AVEN: variants seen among roughly 807,000 people sequenced by gnomAD.
The protein encoded by AVEN is cell death regulator Aven.
In AVEN, 41 loss-of-function variants were observed where a neutral mutation model predicts 38.1. The observed-to-expected ratio is 1.08, with a 90% CI of 0.84 to 1.40. The LOEUF (loss-of-function observed/expected upper bound fraction) is 1.40. Among genes scored for constraint, AVEN ranks in the 40% most tolerant of loss-of-function variants. The pLI, the probability that AVEN is intolerant of heterozygous loss-of-function variation, is 0.00. For synonymous variants in AVEN, 206 were observed against 171.8 expected, an observed-to-expected ratio of 1.20 and a Z score of -1.56; for missense variants, 605 against 438.8, an observed-to-expected ratio of 1.38 and a Z score of -3.38.
chr15:33,927,717 G>C (rs1351791014), intron 2 of AVEN, among the ~76,000 whole-genome samples: 1 of 152,176 alleles, frequency 6.6e-6, no homozygotes, highest in Non-Finnish European at 1.5e-5. Context: ...TTTGTAGAAT[G>C]TGCAAAAGAA....
intron 2 of AVEN, among the ~76,000 whole-genome samples, chr15:33,920,849 C>T (rs1329511915): frequency 6.6e-6 from 1 of 152,154 alleles, no homozygotes; most frequent in Non-Finnish European, 1.5e-5. Flanking sequence ...TCTCGGCTGA[C>T]TGCAGCTTCT....
chr15:34,066,584 T>G (rs563800920), intron 3 of AVEN: 7 of 152,288 alleles, frequency 4.6e-5, no homozygotes, highest in African/African-American at 1.4e-4. Context: ...GCAAGAGGAC[T>G]GCTTGACCCT....
At chr15:33,878,760 T>C (rs112450648) in intron 2 of AVEN, among the ~76,000 whole-genome samples, 28 of 152,164 alleles carry the variant, frequency 1.8e-4, no homozygotes, top group African/African-American at 6.5e-4. Flanking sequence ...CATCCACAAA[T>C]CCATTAGAAT....
chr15:33,966,191 A>T (rs575679249), intron 2 of AVEN, among the ~76,000 whole-genome samples: 32 of 152,260 alleles, frequency 2.1e-4, no homozygotes, highest in African/African-American at 7.5e-4. Flanking sequence ...GAACCTGCAT[A>T]TTTGCAAAGT....
In AVEN at chr15:34,014,727, A is replaced by G. The variant is rs1323325171; in HGVS notation, c.268-11518T>C. Among the ~76,000 whole-genome samples the G allele has an allele frequency of 2.6e-4, 40 of 152,154 alleles. 1 individual carries two copies. Among genetic ancestry groups the G allele is most frequent in the Admixed American group, 2.2e-3 (34 of 15,284 alleles). On this transcript the variant is annotated intron_variant, in intron 1 of 5. Transcript: ENST00000306730. ...GCGGGCCCATCTGGGAACAGCGGCT[A>G]AATATGTTGGGTCTACTCCAACAGC... is the stretch of plus-strand genomic sequence containing the variant.
chr15:33,887,496 T>C (rs1464281481), intron 2 of AVEN, among the ~76,000 whole-genome samples: 1 of 152,152 alleles, frequency 6.6e-6, no homozygotes, highest in Admixed American at 6.5e-5. Flanking sequence ...TAGGGGAAAA[T>C]GGGAATGACT....
At chr15:34,032,917 C>T (rs534246280) in intron 1 of AVEN, among the ~76,000 whole-genome samples, 225 of 152,208 alleles carry the variant, frequency 1.5e-3, no homozygotes, top group African/African-American at 5.0e-3. Context: ...TGATGGAGAA[C>T]CTAATACAGT....
intron 2 of AVEN, among the ~76,000 whole-genome samples, chr15:33,945,867 G>A (rs1894489731): frequency 1.3e-5 from 2 of 152,278 alleles, no homozygotes; most frequent in East Asian, 1.9e-4. Flanking sequence ...TTACAAGCGT[G>A]AGCCACCTCC....
chr15:34,004,062 T>C (rs1258413490), intron 1 of AVEN, among the ~76,000 whole-genome samples: 3 of 152,212 alleles, frequency 2.0e-5, no homozygotes, highest in Non-Finnish European at 2.9e-5. Context: ...ACAACTTGCC[T>C]GTGTGATTGT....
chr15:33,877,875 G>A (rs545871917), intron 2 of AVEN, among the ~76,000 whole-genome samples: 1 of 152,278 alleles, frequency 6.6e-6, no homozygotes, highest in African/African-American at 2.4e-5. Flanking sequence ...CTTAAACCCG[G>A]GAGGCGGAGG....
Position 34,063,475 on chromosome 15 carries a change from G to T in AVEN, n.1127-43C>A, listed in dbSNP as rs1900417743. On this transcript the variant is annotated intron_variant and non_coding_transcript_variant, in intron 4 of 11. Coordinates refer to the AVEN transcript ENST00000675287. This position sits in a 1 kb window ranked among gnomAD's most constrained non-coding sequence, Gnocchi z 4.1. ...GCTCATAGGGCTCTGTTCAGATCCT[G>T]CTTGCGCTGTCCTCGACCCACCCTG... is the stretch of plus-strand genomic sequence containing the variant. 6.2e-7 allele frequency: 1 copy of T among 1,613,702 alleles called. No individual in the cohort carries two copies. Among genetic ancestry groups the T allele is most frequent in the Non-Finnish European group, 8.5e-7 (1 of 1,180,042 alleles).
chr15:33,887,025 T>C (rs1254231726), intron 2 of AVEN, among the ~76,000 whole-genome samples: 3 of 152,232 alleles, frequency 2.0e-5, no homozygotes, highest in Non-Finnish European at 4.4e-5. Flanking sequence ...GAAACTACAA[T>C]AGAACATTTG....
intron 2 of AVEN, among the ~76,000 whole-genome samples, chr15:34,070,310 A>G (rs1900600092): frequency 6.6e-6 from 1 of 152,050 alleles, no homozygotes; most frequent in African/African-American, 2.4e-5. Context: ...GGGAACACAA[A>G]GCCAAATCAC....
At chr15:33,987,173 G>A (rs1456583040) in intron 2 of AVEN, among the ~76,000 whole-genome samples, 4 of 152,166 alleles carry the variant, frequency 2.6e-5, no homozygotes, top group Admixed American at 6.5e-5. Context: ...CAAATTATGT[G>A]AGGATATTCT....
chr15:33,968,833 T>C (rs1306912606), intron 2 of AVEN: 1 of 152,132 alleles, frequency 6.6e-6, no homozygotes, highest in Non-Finnish European at 1.5e-5. Context: ...GGATTTCTCA[T>C]TGCTGAAGCA....
At chr15:33,935,656 A>G (rs1221780695) in intron 2 of AVEN, among the ~76,000 whole-genome samples, 3 of 152,142 alleles carry the variant, frequency 2.0e-5, no homozygotes, top group Non-Finnish European at 2.9e-5. Flanking sequence ...TGGAAAGTGC[A>G]AGAGAAAAAA....
chr15:33,913,488 T>C (rs1431414042), intron 2 of AVEN, among the ~76,000 whole-genome samples: 1 of 152,188 alleles, frequency 6.6e-6, no homozygotes, highest in African/African-American at 2.4e-5. Context: ...TTCCTAATTA[T>C]GTTTTGCTTC....
At chr15:33,902,660 C>T (rs1030832498) in intron 2 of AVEN, among the ~76,000 whole-genome samples, 1 of 152,024 alleles carries the variant, frequency 6.6e-6, no homozygotes, top group African/African-American at 2.4e-5. Flanking sequence ...GTAGAAAACC[C>T]CAAAGATTCC....
At chr15:34,041,619 T>A (rs1597382438), upstream of AVEN, among the ~76,000 whole-genome samples, 1 of 152,224 alleles carries the variant, frequency 6.6e-6, no homozygotes, top group Admixed American at 6.5e-5. Context: ...GTAACACTTT[T>A]GAAAGGTATG....
Sources: gnomAD v4.1 joint callset for allele counts (sites outside exome capture counted in the v4.1 genomes callset) on GRCh38, gnomAD v4.1.1 for gene constraint, Gnocchi (gnomAD v3.1) non-coding constraint, MANE v1.5 for transcripts, NCBI Gene and HGNC (gene_info 2026-07-23, HGNC 2026-07-21) for gene names.